The following GHRH variants were observed in gnomAD, a reference collection of about 807,000 sequenced individuals.
GHRH encodes growth hormone releasing hormone, also known as somatoliberin.
Under a neutral mutation model 15.6 loss-of-function variants are expected in GHRH, and 7 were observed. That is an observed-to-expected ratio of 0.45 (90% CI 0.26 to 0.84). The LOEUF is 0.84. GHRH is among the 40% of genes least tolerant of loss of function. The probability of loss-of-function intolerance (pLI) is 0.18; values close to 1 mark genes in which losing one functional copy is unlikely to be tolerated. For missense variants in GHRH, 117 were observed against 138.0 expected (o/e 0.85, Z 0.76); for synonymous variants, 54 against 50.4 (o/e 1.07, Z -0.30).
intron 4 of GHRH, among the ~76,000 whole-genome samples, chr20:37,252,071 A>G (rs2068624321): frequency 6.6e-6 from 1 of 152,204 alleles, no homozygotes; most frequent in Non-Finnish European, 1.5e-5. Context: ...ATAGCAGGTG[A>G]ACAATTACTT....
chr20:37,257,241 A>G (rs1254718062), intron 1 of GHRH, among the ~76,000 whole-genome samples: 1 of 152,170 alleles, frequency 6.6e-6, no homozygotes, highest in Non-Finnish European at 1.5e-5. Flanking sequence ...GGGCTCAGGC[A>G]CAGTGACTCA....
In GHRH at chr20:37,256,831, G is replaced by A; in HGVS notation, c.59C>T (p.Ser20Phe). Residue 20 changes from serine (S) to phenylalanine (F), a missense_variant, in exon 2 of 5, where the codon TCC becomes TTC. Coordinates refer to ENST00000373614, the MANE Select transcript of GHRH (RefSeq NM_021081.6). ...CCTGAGGGTCAAAGGGGGAGGTGGG[G>A]AGCAGTGGGAGCTGTTGCTGAGGGT... ...ILTLSNSSHC[S>F]PPPPLTLRMR... The A allele has an allele frequency of 5.6e-6, 9 of 1,613,010 alleles. No homozygotes were observed. The highest frequency in any genetic ancestry group is 7.6e-6 in the Non-Finnish European group (9 of 1,179,610).
At chr20:37,256,322 C>A (rs2068655415) in intron 3 of GHRH, 72 bp downstream of exon 3, 1 of 905,134 alleles carries the variant, frequency 1.1e-6, no homozygotes, top group Non-Finnish European at 1.7e-6. Flanking sequence ...GGTCCCTGGT[C>A]CCCTGTAGGG....
chr20:37,251,163 G>A lies in GHRH; in HGVS notation c.*50C>T, dbSNP rs2146744531. 1 of 1,416,300 alleles carries A rather than the reference G, an allele frequency of 7.1e-7. No individual in the cohort carries two copies. Among genetic ancestry groups the A allele is most frequent in the Non-Finnish European group, 9.8e-7 (1 of 1,016,362 alleles). The allele number at this position is 1,416,300 out of a possible 1,614,324, so 87.7% of individuals were successfully genotyped here. Reference sequence around the variant, plus strand: ...TGGGTCAGAAATGAGAGGATTAACTGGATCCAGTTGCATTTTGGCTACAGG... The same window carrying A: ...TGGGTCAGAAATGAGAGGATTAACTAGATCCAGTTGCATTTTGGCTACAGG... On this transcript the variant is annotated 3_prime_UTR_variant, in exon 5 of 5. Transcript: ENST00000373614.
intron 1 of GHRH, among the ~76,000 whole-genome samples, chr20:37,261,535 G>A (rs1273799883): frequency 6.6e-6 from 1 of 152,148 alleles, no homozygotes; most frequent in East Asian, 1.9e-4. Flanking sequence ...CCCAAGTTAA[G>A]ACAAGCCCCA....
At position 37,253,365 on chromosome 20, in the gene GHRH, T is replaced by C. The variant is rs911430327; in HGVS notation, c.308+845A>G. 5.3e-5 allele frequency among the ~76,000 whole-genome samples: 8 copies of C among 152,330 alleles called. No individual in the cohort carries two copies. The South Asian group carries it at 1.4e-3, about 28-fold the overall frequency. ...TGGTCTGTCTTTGGCTTGATAGTTT[T>C]TTGAACTTGGCAAGGGAACCAGAGC... On this transcript the variant is annotated intron_variant, in intron 4 of 4. Transcript: ENST00000373614.
chr20:37,255,609 C>T (rs1366470360), intron 3 of GHRH, among the ~76,000 whole-genome samples: 4 of 131,050 alleles, frequency 3.1e-5, no homozygotes, highest in African/African-American at 9.1e-5. Context: ...TGCAGTGAGC[C>T]GAGATTGTGC....
chr20:37,255,217 G>A (rs1460899520), intron 3 of GHRH, among the ~76,000 whole-genome samples: 1 of 152,110 alleles, frequency 6.6e-6, no homozygotes, highest in Non-Finnish European at 1.5e-5. Flanking sequence ...GTTAGGAATT[G>A]GAAGTGTATA....
At chr20:37,259,328 T>C (rs1192539655) in intron 1 of GHRH, among the ~76,000 whole-genome samples, 1 of 152,090 alleles carries the variant, frequency 6.6e-6, no homozygotes, top group Non-Finnish European at 1.5e-5. Flanking sequence ...CATCGCACCA[T>C]ACCACGTCTG....
At position 37,258,940 on chromosome 20, in the gene GHRH, A is replaced by G. The variant is rs2068673055; in HGVS notation, c.-19-2032T>C. Among the ~76,000 whole-genome samples, 1 of 152,052 alleles carries G rather than the reference A, an allele frequency of 6.6e-6. No homozygotes were observed. The highest frequency in any genetic ancestry group is 2.4e-5 in the African/African-American group (1 of 41,396). ...TTTTTTGTAAAGATAAAGTCTCACT[A>G]TATTGCCGAGGCTGGTTTCAAACCC... On this transcript the variant is annotated intron_variant, in intron 1 of 4. Transcript: ENST00000373614. This position sits in a 1 kb window ranked among gnomAD's most constrained non-coding sequence, Gnocchi z 4.1.
At chr20:37,259,353 C>G (rs776556930) in intron 1 of GHRH, among the ~76,000 whole-genome samples, 1 of 152,154 alleles carries the variant, frequency 6.6e-6, no homozygotes, top group Non-Finnish European at 1.5e-5. Context: ...CCCTTCTCCC[C>G]ACCTGGTCCA....
chr20:37,255,478 G>A (rs987423226), intron 3 of GHRH, among the ~76,000 whole-genome samples: 1 of 151,614 alleles, frequency 6.6e-6, no homozygotes, highest in Non-Finnish European at 1.5e-5. Context: ...GGCTAACATG[G>A]TGAAACCCCG....
At position 37,251,203 on chromosome 20, in the gene GHRH, G is replaced by T. The variant is rs371452379; in HGVS notation, c.*10C>A. On this transcript the variant is annotated 3_prime_UTR_variant, in exon 5 of 5. Coordinates refer to ENST00000373614, the MANE Select transcript of GHRH (RefSeq NM_021081.6). Reference sequence around the variant, plus strand: ...TTGGCTACAGGTAGCCCGGGTCACAGGAGGAATCTTCATCCCTGGGAGTTC... The same window carrying T: ...TTGGCTACAGGTAGCCCGGGTCACATGAGGAATCTTCATCCCTGGGAGTTC... 1.4e-4 allele frequency: 221 copies of T among 1,596,218 alleles called. No individual in the cohort carries two copies. Among genetic ancestry groups the T allele is most frequent in the Non-Finnish European group, 1.8e-4 (206 of 1,170,944 alleles).
intron 4 of GHRH, among the ~76,000 whole-genome samples, chr20:37,252,274 G>C (rs2068625709): frequency 6.6e-6 from 1 of 152,182 alleles, no homozygotes; most frequent in African/African-American, 2.4e-5. Context: ...TCCCAGACTG[G>C]TTGTCGCCTC....
rs1406314395 is a variant in GHRH at position 37,258,604 on chromosome 20, C to T, written c.-19-1696G>A. 6.6e-6 allele frequency among the ~76,000 whole-genome samples: 1 copy of T among 152,182 alleles called. No homozygotes were observed. Among genetic ancestry groups the T allele is most frequent in the Non-Finnish European group, 1.5e-5 (1 of 68,032 alleles). On this transcript the variant is annotated intron_variant, in intron 1 of 4. Coordinates refer to ENST00000373614, the MANE Select transcript of GHRH (RefSeq NM_021081.6). The surrounding 1 kb of genome is among the most constrained non-coding windows in gnomAD (Gnocchi z 4.1). ...AGCAGCCCAGGCCTCAGTGGTCAGC[C>T]CCTCCCTCCATGACATGAGCATCCC...
intron 1 of GHRH, among the ~76,000 whole-genome samples, chr20:37,259,854 G>A (rs1470236183): frequency 2.0e-5 from 3 of 152,146 alleles, no homozygotes; most frequent in African/African-American, 4.8e-5. Flanking sequence ...ACTTCCTTCC[G>A]CTCCATGCAG....
At chr20:37,253,329 T>TGTGTA (rs1240587661) in intron 4 of GHRH, among the ~76,000 whole-genome samples, 2 of 152,130 alleles carry the variant, frequency 1.3e-5, no homozygotes, top group Non-Finnish European at 1.5e-5. Context: ...TACCACAGGG[T>TGTGTA]GTGGGAGGGC....
intron 3 of GHRH, among the ~76,000 whole-genome samples, chr20:37,254,684 G>T (rs57542363): frequency 6.6e-6 from 1 of 152,214 alleles, no homozygotes; most frequent in East Asian, 1.9e-4. Context: ...CACTGAGAAG[G>T]ACACAACACT....
At chr20:37,259,123 C>T (rs1044892511) in intron 1 of GHRH, among the ~76,000 whole-genome samples, 2 of 152,206 alleles carry the variant, frequency 1.3e-5, no homozygotes, top group African/African-American at 4.8e-5. Context: ...TAAGCCTCTA[C>T]TGTTCCGGTA....
Sources: allele counts gnomAD v4.1 joint callset (sites outside exome capture counted in the v4.1 genomes callset), GRCh38; gene constraint gnomAD v4.1.1; non-coding constraint Gnocchi (gnomAD v3.1); transcripts MANE v1.5; gene names NCBI Gene and HGNC (gene_info 2026-07-23, HGNC 2026-07-21).